The following ATOSA variants were observed in gnomAD, a reference collection of about 807,000 sequenced individuals.
The protein encoded by ATOSA is atos homolog protein A.
the ATOSA span, among the ~76,000 whole-genome samples, chr15:52,685,008 T>A: frequency 6.6e-6 from 1 of 152,368 alleles, no homozygotes; most frequent in East Asian, 1.9e-4. Context: ...ATTGATCACA[T>A]GTTGAAATGG....
the ATOSA span, among the ~76,000 whole-genome samples, chr15:52,591,323 C>T: frequency 0.01 from 1,540 of 152,256 alleles, 25 homozygotes; most frequent in African/African-American, 0.036. Flanking sequence ...CTCTGCCTCC[C>T]GGGTTCAAGC....
chr15:52,618,720 T>G, the ATOSA span, among the ~76,000 whole-genome samples: 2 of 152,222 alleles, frequency 1.3e-5, no homozygotes, highest in African/African-American at 4.8e-5. Flanking sequence ...GGTCTTGCTT[T>G]GTTGCCCAGG....
chr15:52,659,939 G>T, the ATOSA span, among the ~76,000 whole-genome samples: 1 of 152,160 alleles, frequency 6.6e-6, no homozygotes, highest in Non-Finnish European at 1.5e-5. Context: ...TGTGAAATAG[G>T]ATTGGACACA....
At chr15:52,640,647 A>C in the ATOSA span, among the ~76,000 whole-genome samples, 5 of 150,948 alleles carry the variant, frequency 3.3e-5, no homozygotes, top group Admixed American at 3.3e-4. Flanking sequence ...CGTACATTTA[A>C]AATAAACTAA....
At chr15:52,706,482 A>G in the ATOSA span, among the ~76,000 whole-genome samples, 18 of 152,350 alleles carry the variant, frequency 1.2e-4, no homozygotes, top group Admixed American at 2.6e-4. Context: ...GTTGTTGGGA[A>G]CTAAGGTTTT....
the ATOSA span, chr15:52,585,267 C>G: frequency 5.2e-6 from 1 of 191,028 alleles, no homozygotes; most frequent in Non-Finnish European, 1.1e-5. Context: ...AAGCAAAATA[C>G]ATCCTTATTG....
At chr15:52,609,351 A>T in the ATOSA span, 1 of 1,613,870 alleles carries the variant, frequency 6.2e-7, no homozygotes, top group Non-Finnish European at 8.5e-7. Context: ...ATGAACTCCT[A>T]AACACTTTAG....
At chr15:52,705,823 C>T in the ATOSA span, among the ~76,000 whole-genome samples, 1 of 152,086 alleles carries the variant, frequency 6.6e-6, no homozygotes, top group Non-Finnish European at 1.5e-5. Context: ...TTGTCTGTTT[C>T]TGAATTTTGT....
the ATOSA span, among the ~76,000 whole-genome samples, chr15:52,663,643 A>T: frequency 6.6e-6 from 1 of 152,178 alleles, no homozygotes. Flanking sequence ...TTTTTCTGAG[A>T]CAAGGTTACA....
chr15:52,698,985 T>G, the ATOSA span, among the ~76,000 whole-genome samples: 6 of 152,208 alleles, frequency 3.9e-5, no homozygotes, highest in South Asian at 2.1e-4. Flanking sequence ...CAGAATATAC[T>G]GCCAGTTGAC....
At chr15:52,600,859 C>T in the ATOSA span, among the ~76,000 whole-genome samples, 2 of 83,964 alleles carry the variant, frequency 2.4e-5, no homozygotes, top group Non-Finnish European at 4.4e-5. Context: ...TATAAAACCA[C>T]TTAAAACCAA....
chr15:52,676,207 G>A, the ATOSA span, among the ~76,000 whole-genome samples: 94 of 151,996 alleles, frequency 6.2e-4, 2 homozygotes, highest in South Asian at 4.8e-3. Context: ...CAATTATCCA[G>A]AAAATTCATT....
the ATOSA span, chr15:52,610,366 AC>A: frequency 6.2e-7 from 1 of 1,609,236 alleles, no homozygotes. Context: ...CTGTAGGTCT[AC>A]ATCAGCAGCA....
the ATOSA span, among the ~76,000 whole-genome samples, chr15:52,632,457 T>C: frequency 3.3e-5 from 5 of 152,260 alleles, no homozygotes; most frequent in African/African-American, 1.2e-4. Flanking sequence ...TGTAGCATAA[T>C]TAGGAGAAAA....
the ATOSA span, among the ~76,000 whole-genome samples, chr15:52,694,976 G>A: frequency 1.1e-4 from 17 of 150,586 alleles, no homozygotes; most frequent in South Asian, 3.6e-3. Flanking sequence ...CCAGGCTGGA[G>A]TGTAGTGGTG....
At chr15:52,668,965 G>A in the ATOSA span, among the ~76,000 whole-genome samples, 91 of 151,536 alleles carry the variant, frequency 6.0e-4, 1 homozygote, top group East Asian at 0.013. Context: ...GAGTGCAGTG[G>A]TGCAATCTCG....
the ATOSA span, among the ~76,000 whole-genome samples, chr15:52,607,287 C>T: frequency 1.1e-3 from 171 of 152,250 alleles, no homozygotes; most frequent in Middle Eastern, 3.4e-3. Flanking sequence ...ATGGGCACAC[C>T]GCTAATATTG....
the ATOSA span, among the ~76,000 whole-genome samples, chr15:52,627,167 T>G: frequency 5.7e-4 from 87 of 152,244 alleles, no homozygotes; most frequent in African/African-American, 2.0e-3. Context: ...ACCTGATACT[T>G]TCAAAGTTGC....
At chr15:52,691,196 G>A in the ATOSA span, among the ~76,000 whole-genome samples, 1 of 152,094 alleles carries the variant, frequency 6.6e-6, no homozygotes, top group African/African-American at 2.4e-5. Context: ...GACTAAAAAT[G>A]CTCTTATATT....
Sources: allele counts gnomAD v4.1 joint callset (sites outside exome capture counted in the v4.1 genomes callset), GRCh38; gene constraint gnomAD v4.1.1; transcripts MANE v1.5; gene names NCBI Gene and HGNC (gene_info 2026-07-23, HGNC 2026-07-21).